Variants in ZNF829 observed in about 807,000 individuals in gnomAD.
ZNF829 encodes zinc finger protein 829.
ZNF829 carries 25 observed loss-of-function variants against 35.2 expected under a neutral mutation model. The ratio of observed to expected loss-of-function variants is 0.71; its 90% CI spans 0.52 to 0.99. The LOEUF (loss-of-function observed/expected upper bound fraction) is 0.99. Among genes scored for constraint, ZNF829 ranks in the 50% least tolerant of loss-of-function variants. ZNF829 has a pLI of 0.00. For synonymous variants in ZNF829, 136 were observed against 163.2 expected, an observed-to-expected ratio of 0.83 and a Z score of 1.27; for missense variants, 417 against 515.3, an observed-to-expected ratio of 0.81 and a Z score of 1.85.
At chr19:36,915,354 T>C in intron 1 of ZNF829, 103 bp from the exon 2 acceptor site, 2 of 1,404,102 alleles carry the variant, frequency 1.4e-6, no homozygotes, top group East Asian at 2.5e-5. Flanking sequence ...TAAGGCGACA[T>C]GCACGTCTCA....
At chr19:36,892,528 TA>T (rs1568367158) in intron 5 of ZNF829, 57 bp from the exon 6 acceptor site, 3 of 1,476,230 alleles carry the variant, frequency 2.0e-6, no homozygotes, top group Non-Finnish European at 2.7e-6. Context: ...TTAAAACTTC[TA>T]AAAAAGAAAT....
intron 1 of ZNF829, 162 bp downstream of exon 1, chr19:36,915,848 GC>G (rs2073321103): frequency 2.6e-6 from 4 of 1,535,754 alleles, no homozygotes; most frequent in Non-Finnish European, 2.6e-6. Flanking sequence ...TCCTGCCTCG[GC>G]CTCCCAAACA....
At chr19:36,892,784 T>TA (rs376647993) in intron 5 of ZNF829, 4,245 of 393,932 alleles carry the variant, frequency 0.011, no homozygotes, top group Non-Finnish European at 0.014. Flanking sequence ...AGATTCTAAT[T>TA]AAAAAAAAAA....
rs1465605356 is a variant in ZNF829, at chr19:36,911,489, G to A, written c.97-3030C>T. 2.0e-5 allele frequency among the ~76,000 whole-genome samples: 3 copies of A among 152,224 alleles called. No individual in the cohort carries two copies. The East Asian group carries it at 5.8e-4, about 29-fold the overall frequency. ...GGCCTCCCAAAGTCCTGGGATTATA[G>A]GCATGACCAGCTGGGACTGAGCCTC... On this transcript the variant is annotated intron_variant, in intron 3 of 5. Coordinates refer to ENST00000391711, the MANE Select transcript of ZNF829 (RefSeq NM_001037232.4).
In ZNF829 at chr19:36,892,415, G is replaced by T; in HGVS notation, c.376C>A (p.Gln126Lys). The T allele has an allele frequency of 6.2e-7, 1 of 1,610,032 alleles. No individual in the cohort carries two copies. The highest frequency in any genetic ancestry group is 8.5e-7 in the Non-Finnish European group (1 of 1,179,484). Reference sequence around the variant, plus strand: ...ATGTCTTCACGGGTAATTATTACTTGACTGAAATGTCTCTTCTTTAGAGAT... The same window carrying T: ...ATGTCTTCACGGGTAATTATTACTTTACTGAAATGTCTCTTCTTTAGAGAT... Reference protein sequence around the residue: ...ILSLKKRHFSQVIITREDMST... With the variant: ...ILSLKKRHFSKVIITREDMST... The change falls in exon 6 of 6, where the codon CAA becomes AAA. Residue 126 changes from glutamine (Q) to lysine (K), a missense_variant. Coordinates refer to ENST00000391711, the MANE Select transcript of ZNF829 (RefSeq NM_001037232.4).
rs1164479496 is a variant in ZNF829 at position 36,903,414 on chromosome 19, A to C, written c.319+4515T>G. Among the ~76,000 whole-genome samples, 4 of 152,194 alleles carry C rather than the reference A, an allele frequency of 2.6e-5. No individual in the cohort carries two copies. The East Asian group carries it at 7.7e-4, about 29-fold the overall frequency. On this transcript the variant is annotated intron_variant, in intron 5 of 5. Coordinates refer to ENST00000391711, the MANE Select transcript of ZNF829 (RefSeq NM_001037232.4). Reference sequence around the variant, plus strand: ...AAAAGGGCATTTCTGTCCTTTTTATAAAGGCTTATAAGGAATGTGGGTGGC... The same window carrying C: ...AAAAGGGCATTTCTGTCCTTTTTATCAAGGCTTATAAGGAATGTGGGTGGC...
At chr19:36,908,178 C>T (rs2073234547) in intron 4 of ZNF829, among the ~76,000 whole-genome samples, 154 bp from the exon 5 acceptor site, 1 of 152,154 alleles carries the variant, frequency 6.6e-6, no homozygotes, top group Non-Finnish European at 1.5e-5. Context: ...TTGGAGCTGC[C>T]CACTTCCAAC....
intron 5 of ZNF829, among the ~76,000 whole-genome samples, chr19:36,902,847 G>T (rs192984878): frequency 2.0e-5 from 3 of 152,034 alleles, no homozygotes; most frequent in East Asian, 3.9e-4. Context: ...ACCAACCTGG[G>T]CAACATGGTG....
At position 36,892,345 on chromosome 19, in the gene ZNF829, G is replaced by A. The variant is rs1239557907; in HGVS notation, c.446C>T (p.Thr149Ile). 3 of 1,613,684 alleles carry A rather than the reference G, an allele frequency of 1.9e-6. No individual in the cohort carries two copies. Among genetic ancestry groups the A allele is most frequent in the Middle Eastern group, 3.3e-4 (2 of 6,062 alleles). ...TTCCCATGGTTTCTCTTCACTCATA[G>A]TTTTTTGAGGTGGAATAAGAAATGT... ...QPTFLIPPQK[T>I]MSEEKPWECK... The change falls in exon 6 of 6, where the codon ACT (threonine) becomes ATT (isoleucine). Residue 149 changes from threonine to isoleucine, a missense_variant. Transcript: ENST00000391711.
chr19:36,898,918 G>A (rs1048224646), intron 5 of ZNF829, among the ~76,000 whole-genome samples: 1 of 151,916 alleles, frequency 6.6e-6, no homozygotes, highest in Admixed American at 6.6e-5. Flanking sequence ...AAAACATAGG[G>A]GAAACACTTC....
In ZNF829 at chr19:36,892,188, T is replaced by G. The variant is rs2073061554; in HGVS notation, c.603A>C (p.Arg201=). 1 of 1,614,072 alleles carries G rather than the reference T, an allele frequency of 6.2e-7. No individual in the cohort carries two copies. Among genetic ancestry groups the G allele is most frequent in the Non-Finnish European group, 8.5e-7 (1 of 1,180,046 alleles). ...KSFSRGSLVT[R]HQRIHTGKKP... ...TTTTACCAGTGTGAATCCTCTGATG[T>G]CGAGTAACGAGTGAGCCACGACTAA... The change falls in exon 6 of 6, where the codon CGA becomes CGC. Residue 201 remains arginine, a synonymous_variant. Transcript: ENST00000391711.
chr19:36,900,576 G>T (rs538972661), intron 5 of ZNF829, among the ~76,000 whole-genome samples: 2 of 151,988 alleles, frequency 1.3e-5, no homozygotes, highest in South Asian at 4.2e-4. Context: ...GGCCAAGTGT[G>T]GTGGCTCACT....
chr19:36,911,149 C>T (rs2073260977), intron 3 of ZNF829, among the ~76,000 whole-genome samples: 2 of 151,972 alleles, frequency 1.3e-5, no homozygotes, highest in African/African-American at 2.4e-5. Flanking sequence ...GCTGGCTAGG[C>T]AGAAGTGCAG....
intron 3 of ZNF829, among the ~76,000 whole-genome samples, chr19:36,909,142 G>T (rs1335369199): frequency 6.6e-6 from 1 of 152,116 alleles, no homozygotes; most frequent in East Asian, 1.9e-4. Flanking sequence ...GGTGATGAAA[G>T]TGCCAGTATA....
chr19:36,910,087 A>T (rs1227563), intron 3 of ZNF829, among the ~76,000 whole-genome samples: 31,052 of 120,080 alleles, frequency 0.26, 4,266 homozygotes, highest in African/African-American at 0.43. Context: ...TTCTTGAAAA[A>T]TTTTTTTTTT....
intron 5 of ZNF829, chr19:36,901,720 T>C (rs2073167562): frequency 2.2e-6 from 1 of 448,890 alleles, no homozygotes; most frequent in African/African-American, 2.0e-5. Flanking sequence ...TAAACAAGTC[T>C]TTCCAACTTG....
chr19:36,901,773 A>G, intron 5 of ZNF829: 2 of 564,954 alleles, frequency 3.5e-6, no homozygotes, highest in South Asian at 2.1e-5. Flanking sequence ...GGTGAGAAGA[A>G]AAAGGGCCGT....
chr19:36,911,970 C>T (rs1356084067), intron 3 of ZNF829, among the ~76,000 whole-genome samples: 1 of 152,116 alleles, frequency 6.6e-6, no homozygotes, highest in African/African-American at 2.4e-5. Flanking sequence ...AATAGTGTCT[C>T]CTAACAAAGG....
chr19:36,900,145 AAC>A (rs56218050), intron 5 of ZNF829, among the ~76,000 whole-genome samples: 14,340 of 119,970 alleles, frequency 0.12, 754 homozygotes, highest in Non-Finnish European at 0.13. Flanking sequence ...GTCTCTACTA[AAC>A]ACACACACAC....
Sources: gnomAD v4.1 joint callset for allele counts (sites outside exome capture counted in the v4.1 genomes callset) on GRCh38, gnomAD v4.1.1 for gene constraint, MANE v1.5 for transcripts, NCBI Gene and HGNC (gene_info 2026-07-23, HGNC 2026-07-21) for gene names.